Variants in BPIFB6 observed in about 807,000 individuals in gnomAD.
BPIFB6 encodes BPI fold-containing family B member 6.
Under a neutral mutation model 54.7 loss-of-function variants are expected in BPIFB6, and 47 were observed. That is an observed-to-expected ratio of 0.86 (90% CI 0.68 to 1.10). The LOEUF (loss-of-function observed/expected upper bound fraction) is 1.10. Among genes scored for constraint, BPIFB6 ranks in the 50% least tolerant of loss-of-function variants. The pLI is 0.00. For missense variants in BPIFB6, 603 were observed against 564.1 expected (o/e 1.07, Z -0.70); for synonymous variants, 255 against 225.9 (o/e 1.13, Z -1.16).
chr20:33,044,077 G>A (rs1029491930), downstream of BPIFB6: 3 of 1,613,794 alleles, frequency 1.9e-6, no homozygotes. Context: ...CCAGCTGCCT[G>A]CTTACCACCA....
chr20:33,037,224 G>C (rs1979381926), intron 7 of BPIFB6, among the ~76,000 whole-genome samples: 2 of 152,214 alleles, frequency 1.3e-5, no homozygotes, highest in South Asian at 4.1e-4. Flanking sequence ...GCCCCGTGTC[G>C]ATTTCCGCCT....
chr20:33,040,173 G>A (rs1471686391), intron 10 of BPIFB6, 78 bp from the exon 11 acceptor site: 1 of 1,272,662 alleles, frequency 7.9e-7, no homozygotes, highest in East Asian at 2.3e-5. Flanking sequence ...GTGCTGGGAG[G>A]GTGGTGGTCT....
chr20:33,039,055 A>T, intron 9 of BPIFB6, 93 bp downstream of exon 9: 1 of 1,368,524 alleles, frequency 7.3e-7, no homozygotes, highest in African/African-American at 1.4e-5. Flanking sequence ...ACAGCTTTTC[A>T]TGCCACATAT....
Position 33,039,418 on chromosome 20 carries a change from T to A in BPIFB6, c.972T>A (p.Thr324=). ...AGATAAAGAAGCCTCCCAAGGTCAC[T>A]ATGAAGACAGGCAAGAGCCTGCTGC... ...QIKIKKPPKV[T]MKTGKSLLHL... is the part of the protein sequence containing the mutation. Residue 324 remains threonine, a synonymous_variant, in exon 10 of 15, where the codon ACT becomes ACA. Transcript: ENST00000349552. 1 of 1,614,208 alleles carries A rather than the reference T, an allele frequency of 6.2e-7. No homozygotes were observed. The highest frequency in any genetic ancestry group is 8.5e-7 in the Non-Finnish European group (1 of 1,180,042).
chr20:33,042,221 T>C (rs938666804), intron 12 of BPIFB6, among the ~76,000 whole-genome samples: 7 of 152,232 alleles, frequency 4.6e-5, no homozygotes, highest in Admixed American at 2.6e-4. Flanking sequence ...GGATAGAATC[T>C]GGACATCTCC....
intron 11 of BPIFB6, 50 bp downstream of exon 11, chr20:33,040,368 C>T: frequency 1.3e-6 from 2 of 1,563,714 alleles, no homozygotes; most frequent in Non-Finnish European, 1.8e-6. Context: ...TCACATTTGG[C>T]CTTCTGATCT....
chr20:33,033,238 G>A (rs1979181765), intron 2 of BPIFB6, 155 bp downstream of exon 2: 1 of 703,064 alleles, frequency 1.4e-6, no homozygotes, highest in African/African-American at 1.8e-5. Context: ...CCTTGGGTAG[G>A]TCACTGCTCC....
rs374270182 is a variant in BPIFB6 at position 33,039,532 on chromosome 20, C to T, written c.1074+12C>T. The stretch of plus-strand genomic sequence containing the variant: ...TTCTCCTAGAAGTGGTGAGGGAAAT[C>T]GTTCCCTTCCCCATTTATTCCCAAT... On this transcript the variant is annotated intron_variant, in intron 10 of 14. Coordinates refer to ENST00000349552, the MANE Select transcript of BPIFB6 (RefSeq NM_174897.2). The T allele has an allele frequency of 7.5e-6, 12 of 1,592,614 alleles. No individual in the cohort carries two copies. Among genetic ancestry groups the T allele is most frequent in the East Asian group, 6.7e-5 (3 of 44,502 alleles).
At chr20:33,035,293 GT>G (rs1979287855) in intron 5 of BPIFB6, 149 bp downstream of exon 5, 1 of 818,480 alleles carries the variant, frequency 1.2e-6, no homozygotes, top group Non-Finnish European at 2.0e-6. Flanking sequence ...GTGGAAGAAA[GT>G]GCCACAATCA....
rs755673533 is a variant in BPIFB6, at chr20:33,031,711, G to A, written c.64G>A (p.Ala22Thr). ...GACTGGCACGCGAGCTGACCCTGGG[G>A]CACTGCTGCGGTTGGGCATGGACAT... ...LLTGTRADPG[A>T]LLRLGMDIMN... Residue 22 changes from alanine (A) to threonine (T), a missense_variant, in exon 1 of 15, where the codon GCA (alanine) becomes ACA (threonine). Coordinates refer to ENST00000349552, the MANE Select transcript of BPIFB6 (RefSeq NM_174897.2). 3.1e-6 allele frequency: 5 copies of A among 1,614,134 alleles called. No individual in the cohort carries two copies. The South Asian group carries it at 5.5e-5, about 18-fold the overall frequency.
Position 33,042,033 on chromosome 20 carries a change from T to C in BPIFB6, c.1188+18T>C, listed in dbSNP as rs753527486. On this transcript the variant is annotated intron_variant, in intron 12 of 14. Coordinates refer to ENST00000349552, the MANE Select transcript of BPIFB6 (RefSeq NM_174897.2). ...ACTTCAATGTAAGTGTCCCAAGTGC[T>C]CTTGCCTGTCCGGCGTGAGGACAAG... 4 of 1,611,918 alleles carry C rather than the reference T, an allele frequency of 2.5e-6. No individual in the cohort carries two copies. The highest frequency in any genetic ancestry group is 3.4e-6 in the Non-Finnish European group (4 of 1,177,990).
rs761723770 is a variant in BPIFB6 at position 33,042,000 on chromosome 20, G to C, written c.1173G>C (p.Ser391=). The change falls in exon 12 of 15, where the codon TCG becomes TCC. Residue 391 remains serine, a synonymous_variant. Coordinates refer to ENST00000349552, the MANE Select transcript of BPIFB6 (RefSeq NM_174897.2). The part of the protein sequence containing the change: ...RLLSLSRKSS[S]IGNFNERELT... ...TGAGCTTGTCCCGGAAGTCCTCATC[G>C]ATTGGCAACTTCAATGTAAGTGTCC... 4 of 1,613,910 alleles carry C rather than the reference G, an allele frequency of 2.5e-6. No individual in the cohort carries two copies. The highest frequency in any genetic ancestry group is 1.3e-5 in the African/African-American group (1 of 74,882).
At chr20:33,041,346 T>A (rs1489027620) in intron 11 of BPIFB6, among the ~76,000 whole-genome samples, 1 of 152,104 alleles carries the variant, frequency 6.6e-6, no homozygotes, top group South Asian at 2.1e-4. Flanking sequence ...ACAAATGAAC[T>A]CCTTGAGAAT....
chr20:33,035,490 TCA>T, intron 5 of BPIFB6, 120 bp from the exon 6 acceptor site: 1 of 1,001,436 alleles, frequency 1.0e-6, no homozygotes, highest in Non-Finnish European at 1.6e-6. Flanking sequence ...ACTTGGGACC[TCA>T]GTTTTCTCCC....
intron 10 of BPIFB6, 50 bp from the exon 11 acceptor site, chr20:33,040,201 G>T: frequency 6.4e-7 from 1 of 1,560,848 alleles, no homozygotes; most frequent in South Asian, 1.1e-5. Flanking sequence ...TGCCAGCCCT[G>T]ATGGTGGGGA....
chr20:33,042,925 A>T, intron 13 of BPIFB6, 47 bp downstream of exon 13: 1 of 1,575,816 alleles, frequency 6.3e-7, no homozygotes, highest in Non-Finnish European at 8.7e-7. Context: ...GAAGCACTTT[A>T]AGCAATAAGG....
rs189197855 is a variant in BPIFB6 at position 33,034,828 on chromosome 20, G to A, written c.368G>A (p.Arg123Gln). Reference sequence around the variant, plus strand: ...ATCACAGCCACCAACCGGCTTCTGCGGGATGAGGAGACAGGCCTCCCCGTG... The same window carrying A: ...ATCACAGCCACCAACCGGCTTCTGCAGGATGAGGAGACAGGCCTCCCCGTG... ...LNITATNRLL[R>Q]DEETGLPVFK... is the part of the protein sequence containing the mutation. Residue 123 changes from arginine to glutamine, a missense_variant, in exon 4 of 15, where the codon CGG (arginine) becomes CAG (glutamine). Arg to Gln is a conservative substitution (Grantham distance 43). Transcript: ENST00000349552. 1.5e-4 allele frequency: 243 copies of A among 1,613,950 alleles called. No individual in the cohort carries two copies. Among genetic ancestry groups the A allele is most frequent in the Non-Finnish European group, 2.0e-4 (234 of 1,179,890 alleles).
In BPIFB6 at chr20:33,036,607, C is replaced by T. The variant is rs916441521; in HGVS notation, c.669+71C>T. The T allele has an allele frequency of 6.4e-5, 89 of 1,395,576 alleles. 2 individuals carry two copies. The South Asian group carries it at 8.4e-4, about 13-fold the overall frequency. The allele number at this position is 1,395,576 out of a possible 1,614,324, so 86.4% of individuals were successfully genotyped here. ...GTCTGGGTAGTGGGTGATGCTTCTG[C>T]CAGGACAGGTGGCTGGACTAGGGCT... is the stretch of plus-strand genomic sequence containing the variant. On this transcript the variant is annotated intron_variant, in intron 7 of 14. Transcript: ENST00000349552.
chr20:33,032,560 C>T (rs535894536), intron 1 of BPIFB6, among the ~76,000 whole-genome samples: 1 of 152,310 alleles, frequency 6.6e-6, no homozygotes, highest in Admixed American at 6.5e-5. Flanking sequence ...GCTCCAGTTT[C>T]TCTGTCGTGT....
Sources: gnomAD v4.1 joint callset for allele counts (sites outside exome capture counted in the v4.1 genomes callset) on GRCh38, gnomAD v4.1.1 for gene constraint, MANE v1.5 for transcripts, NCBI Gene and HGNC (gene_info 2026-07-23, HGNC 2026-07-21) for gene names.